Variants in CA13 observed in about 807,000 individuals in gnomAD.
CA13 encodes the protein carbonic anhydrase 13.
CA13 carries 21 observed loss-of-function variants against 31.5 expected under a neutral mutation model. The ratio of observed to expected loss-of-function variants is 0.67; its 90% CI spans 0.47 to 0.96. CA13 has a LOEUF of 0.96. Among genes scored for constraint, CA13 ranks in the 40% least tolerant of loss-of-function variants. The pLI is 0.00. For synonymous variants in CA13, 117 were observed against 111.4 expected (o/e 1.05, Z -0.32); for missense variants, 315 against 318.9 (o/e 0.99, Z 0.09).
chr8:85,270,356 T>G (rs1261668622), intron 6 of CA13, among the ~76,000 whole-genome samples: 1 of 152,190 alleles, frequency 6.6e-6, no homozygotes, highest in Non-Finnish European at 1.5e-5. Context: ...TGTTGGGTGT[T>G]TCTCCTTGTT....
At chr8:85,268,886 T>C (rs1323818598) in intron 6 of CA13, among the ~76,000 whole-genome samples, 4 of 152,196 alleles carry the variant, frequency 2.6e-5, no homozygotes, top group Non-Finnish European at 4.4e-5. Context: ...ACTATAATCA[T>C]TTGCTTTTGG....
rs370684572 is a variant in CA13 at position 85,266,316 on chromosome 8, G to A, written c.355-292G>A. ...AGTGATTCTCCTGCCTCAGCCTCCCGAGTAGCTGGGACTACAGTCATGTAC... is the reference window on the plus strand; with the variant it reads ...AGTGATTCTCCTGCCTCAGCCTCCCAAGTAGCTGGGACTACAGTCATGTAC... On this transcript the variant is annotated intron_variant, in intron 3 of 6. Transcript: ENST00000321764. 8.5e-5 allele frequency among the ~76,000 whole-genome samples: 13 copies of A among 152,226 alleles called. No homozygotes were observed. The East Asian group carries it at 1.2e-3, about 14-fold the overall frequency.
chr8:85,246,721 A>G (rs1813738539), intron 1 of CA13, among the ~76,000 whole-genome samples: 1 of 152,260 alleles, frequency 6.6e-6, no homozygotes, highest in Admixed American at 6.5e-5. Flanking sequence ...AATCGCAGTG[A>G]CACCAAAAAG....
chr8:85,253,039 G>A (rs1587534039), intron 2 of CA13, among the ~76,000 whole-genome samples: 1 of 151,484 alleles, frequency 6.6e-6, no homozygotes, highest in Non-Finnish European at 1.5e-5. Context: ...TCTGCCTTCC[G>A]GGTTCAAGCG....
Position 85,282,101 on chromosome 8 carries a change from C to T in CA13, c.*752C>T, listed in dbSNP as rs1807717306. On this transcript the variant is annotated 3_prime_UTR_variant, in exon 7 of 7. Coordinates refer to ENST00000321764, the MANE Select transcript of CA13 (RefSeq NM_198584.3). ...TGATTCTGCTTAATATTTTGTTATT[C>T]CAGTTCATAAAAAGTAGATTACGTT... 1 of 151,992 alleles carries T rather than the reference C, an allele frequency of 6.6e-6. No individual in the cohort carries two copies. Among genetic ancestry groups the T allele is most frequent in the African/African-American group, 2.4e-5 (1 of 41,384 alleles). The allele number at this position is 151,992 out of a possible 1,614,324, so 9.4% of individuals were successfully genotyped here. A position where few individuals can be genotyped will look rare whatever the true frequency, so the allele number is the denominator to read the frequency against.
At position 85,250,657 on chromosome 8, in the gene CA13, A is replaced by G. The variant is rs533164997; in HGVS notation, c.38-83A>G. On this transcript the variant is annotated intron_variant, in intron 1 of 6. Coordinates refer to ENST00000321764, the MANE Select transcript of CA13 (RefSeq NM_198584.3). The stretch of plus-strand genomic sequence containing the variant: ...TAATCTTTGCGTTTTCTTCAATTTC[A>G]AGCACAGTGTGTTATACTCAATGTA... 49 of 829,174 alleles carry G rather than the reference A, an allele frequency of 5.9e-5. No individual in the cohort carries two copies. In the South Asian group the frequency reaches 9.0e-4, roughly 15 times the overall value. 51.4% of individuals were successfully genotyped at this position (829,174 alleles called of 1,614,324 possible). A position where few individuals can be genotyped will look rare whatever the true frequency, so the allele number is the denominator to read the frequency against.
chr8:85,249,425 G>C (rs1266666752), intron 1 of CA13, among the ~76,000 whole-genome samples: 2 of 150,140 alleles, frequency 1.3e-5, no homozygotes, highest in Non-Finnish European at 3.0e-5. Flanking sequence ...AGTTTGGGAA[G>C]TTGAGGCTGC....
At chr8:85,262,641 C>A (rs558879662) in intron 3 of CA13, among the ~76,000 whole-genome samples, 2 of 152,094 alleles carry the variant, frequency 1.3e-5, no homozygotes, top group Non-Finnish European at 2.9e-5. Context: ...AAAGGCTTTC[C>A]ATTGGGAAGT....
At position 85,282,764 on chromosome 8, in the gene CA13, T is replaced by TC. The variant is rs1224867545; in HGVS notation, c.*1416dup. 1 of 152,180 alleles carries TC rather than the reference T, an allele frequency of 6.6e-6. No homozygotes were observed. Among genetic ancestry groups the TC allele is most frequent in the Non-Finnish European group, 1.5e-5 (1 of 68,034 alleles). 9.4% of individuals were successfully genotyped at this position (152,180 alleles called of 1,614,324 possible). On this transcript the variant is annotated 3_prime_UTR_variant, in exon 7 of 7. Coordinates refer to ENST00000321764, the MANE Select transcript of CA13 (RefSeq NM_198584.3). ...TAAGAGTGGTGTTTCTTTTGCCCTT[T>TC]CTGGTACAAACAGAGGGACACTAAG...
At position 85,283,828 on chromosome 8, in the gene CA13, A is replaced by G. The variant is rs1807742022; in HGVS notation, c.*2479A>G. On this transcript the variant is annotated 3_prime_UTR_variant, in exon 7 of 7. Coordinates refer to ENST00000321764, the MANE Select transcript of CA13 (RefSeq NM_198584.3). The stretch of plus-strand genomic sequence containing the variant: ...ATTATAAATTGCACCTTAATAGACC[A>G]AAAATATCTATACAGCACTGATTTC... The G allele has an allele frequency of 1.3e-5, 2 of 152,500 alleles. No homozygotes were observed. Among genetic ancestry groups the G allele is most frequent in the Non-Finnish European group, 2.9e-5 (2 of 68,044 alleles). 9.4% of individuals were successfully genotyped at this position (152,500 alleles called of 1,614,324 possible).
At position 85,267,988 on chromosome 8, in the gene CA13, T is replaced by C; in HGVS notation, c.513+24T>C. 3 of 1,395,390 alleles carry C rather than the reference T, an allele frequency of 2.1e-6. No homozygotes were observed. The African/African-American group carries it at 4.3e-5, about 20-fold the overall frequency. The allele number at this position is 1,395,390 out of a possible 1,614,324, so 86.4% of individuals were successfully genotyped here. ...AGGTAAAATGAATTACTGTTAATAA[T>C]TAACATATTTCTTGTTCTCTCCCAC... On this transcript the variant is annotated intron_variant, in intron 5 of 6. Coordinates refer to ENST00000321764, the MANE Select transcript of CA13 (RefSeq NM_198584.3).
intron 2 of CA13, among the ~76,000 whole-genome samples, chr8:85,251,576 A>G (rs1813829535): frequency 6.6e-6 from 1 of 152,196 alleles, no homozygotes; most frequent in African/African-American, 2.4e-5. Flanking sequence ...TGTTTCTGCA[A>G]AGTTTTAGCC....
At chr8:85,246,160 G>A in intron 1 of CA13, 2 of 543,902 alleles carry the variant, frequency 3.7e-6, no homozygotes, top group South Asian at 4.0e-5. Context: ...AAAAGCCAAG[G>A]ACTTTGCCTA....
At chr8:85,274,739 A>G (rs1179615180) in intron 6 of CA13, among the ~76,000 whole-genome samples, 62 of 152,100 alleles carry the variant, frequency 4.1e-4, no homozygotes, top group Non-Finnish European at 2.9e-5. Context: ...TAATTGTTCT[A>G]TTTAGCCTAT....
chr8:85,258,460 T>C (rs1299147479), intron 2 of CA13, among the ~76,000 whole-genome samples: 1 of 152,144 alleles, frequency 6.6e-6, no homozygotes, highest in African/African-American at 2.4e-5. Context: ...AATATAGAAT[T>C]TAAGGACAAA....
intron 6 of CA13, among the ~76,000 whole-genome samples, chr8:85,274,792 T>C (rs1442072425): frequency 6.6e-6 from 1 of 152,206 alleles, no homozygotes; most frequent in Non-Finnish European, 1.5e-5. Context: ...TCAGCCCAAG[T>C]GGCAGGACCG....
intron 5 of CA13, 47 bp downstream of exon 5, chr8:85,268,011 C>A: frequency 8.4e-7 from 1 of 1,186,204 alleles, no homozygotes; most frequent in South Asian, 1.4e-5. Context: ...TGTTCTCTCC[C>A]ACATTCTCTT....
Position 85,245,774 on chromosome 8 carries a change from C to T in CA13, c.-55C>T. The T allele has an allele frequency of 1.2e-6, 2 of 1,603,538 alleles. No homozygotes were observed. The highest frequency in any genetic ancestry group is 1.1e-5 in the South Asian group (1 of 90,848). ...TCCTTCCCGGGCCCCTCCCCGCTCCCTCCTCTTTCTCGCTGCTCAGTCACA... is the reference window on the plus strand; with the variant it reads ...TCCTTCCCGGGCCCCTCCCCGCTCCTTCCTCTTTCTCGCTGCTCAGTCACA... On this transcript the variant is annotated 5_prime_UTR_variant, in exon 1 of 7. Coordinates refer to ENST00000321764, the MANE Select transcript of CA13 (RefSeq NM_198584.3).
intron 1 of CA13, chr8:85,249,751 C>T (rs1174509786): frequency 5.5e-6 from 2 of 361,864 alleles, no homozygotes; most frequent in Non-Finnish European, 1.1e-5. Flanking sequence ...GTATAAATTT[C>T]AGGAATAGTA....
Sources: allele counts gnomAD v4.1 joint callset (sites outside exome capture counted in the v4.1 genomes callset), GRCh38; gene constraint gnomAD v4.1.1; transcripts MANE v1.5; gene names NCBI Gene and HGNC (gene_info 2026-07-23, HGNC 2026-07-21).